The following SGF29 variants were observed in gnomAD, a reference collection of about 807,000 sequenced individuals.
The protein encoded by SGF29 is SAGA complex associated factor 29.
A neutral mutation model predicts 38.1 loss-of-function variants in SGF29; 15 were observed. The ratio of observed to expected loss-of-function variants is 0.39; its 90% CI spans 0.26 to 0.61. The LOEUF is 0.61. Among genes scored for constraint, SGF29 ranks in the 20% least tolerant of loss-of-function variants. The pLI, the probability that SGF29 is intolerant of heterozygous loss-of-function variation, is 0.49. For missense variants in SGF29, 184 were observed against 394.6 expected (o/e 0.47, Z 4.52); for synonymous variants, 151 against 160.8 (o/e 0.94, Z 0.46).
chr16:28,557,648 T>C (rs1309037356), intron 1 of SGF29, among the ~76,000 whole-genome samples: 1 of 152,142 alleles, frequency 6.6e-6, no homozygotes, highest in Non-Finnish European at 1.5e-5. Context: ...GGGGACATGC[T>C]CGTGGGACTG....
At chr16:28,568,919 GAA>G (rs200404862) in intron 1 of SGF29, among the ~76,000 whole-genome samples, 1 of 129,202 alleles carries the variant, frequency 7.7e-6, no homozygotes, top group African/African-American at 2.9e-5. Flanking sequence ...CTCAAAAAAA[GAA>G]AAAAAAAAAA....
chr16:28,589,968 G>A (rs2046977912), intron 5 of SGF29, 128 bp from the exon 6 acceptor site: 2 of 1,339,004 alleles, frequency 1.5e-6, no homozygotes, highest in South Asian at 1.5e-5. Flanking sequence ...TCACAGTCCT[G>A]CTGGGCCCTC....
At chr16:28,587,417 GC>G (rs2046961450) in intron 4 of SGF29, among the ~76,000 whole-genome samples, 1 of 152,192 alleles carries the variant, frequency 6.6e-6, no homozygotes, top group Admixed American at 6.5e-5. Flanking sequence ...GTTCCCTTTG[GC>G]CCCGTGGCTC....
intron 1 of SGF29, among the ~76,000 whole-genome samples, chr16:28,557,965 G>GTTTTTTTTTTTTTT (rs753237384): frequency 1.1e-4 from 7 of 65,618 alleles, no homozygotes; most frequent in Admixed American, 1.9e-4. Context: ...TTCTTTCTCT[G>GTTTTTTTTTTTTTT]TTTTTTTTTT....
chr16:28,587,921 T>C (rs540906360), intron 4 of SGF29, among the ~76,000 whole-genome samples: 1 of 152,220 alleles, frequency 6.6e-6, no homozygotes, highest in African/African-American at 2.4e-5. Context: ...TGCCTCAGCC[T>C]CCCAAGTAGC....
intron 1 of SGF29, among the ~76,000 whole-genome samples, chr16:28,575,209 G>A (rs976181900): frequency 6.6e-6 from 1 of 152,130 alleles, no homozygotes; most frequent in Non-Finnish European, 1.5e-5. Context: ...CTGTTCCTAG[G>A]TCTCTAAATG....
chr16:28,573,588 C>A (rs1487521548), intron 1 of SGF29, among the ~76,000 whole-genome samples: 1 of 152,160 alleles, frequency 6.6e-6, no homozygotes, highest in Non-Finnish European at 1.5e-5. Flanking sequence ...GATGAACTCT[C>A]CTCAATCATG....
chr16:28,589,736 A>T (rs1354112447), intron 5 of SGF29, among the ~76,000 whole-genome samples: 2 of 152,168 alleles, frequency 1.3e-5, no homozygotes, highest in Non-Finnish European at 2.9e-5. Context: ...ATGTATATTA[A>T]TAGAAGAAAA....
In SGF29 at chr16:28,590,264, G is replaced by T. The variant is rs1347269020; in HGVS notation, c.420-32G>T. 21 of 1,608,400 alleles carry T rather than the reference G, an allele frequency of 1.3e-5. No individual in the cohort carries two copies. The highest frequency in any genetic ancestry group is 1.8e-5 in the Non-Finnish European group (21 of 1,177,768). On this transcript the variant is annotated intron_variant, in intron 6 of 9. Transcript: ENST00000317058. The surrounding 1 kb of genome is among the most constrained non-coding windows in gnomAD (Gnocchi z 8.2). Reference sequence around the variant, plus strand: ...CTGCGAGGGAGGGGCTGGTGCCCAGGGGCTGGGACTGACCCTTTGTTCCAC... The same window carrying T: ...CTGCGAGGGAGGGGCTGGTGCCCAGTGGCTGGGACTGACCCTTTGTTCCAC...
chr16:28,587,221 G>A (rs2046960483), intron 4 of SGF29, among the ~76,000 whole-genome samples: 1 of 152,166 alleles, frequency 6.6e-6, no homozygotes, highest in African/African-American at 2.4e-5. Context: ...AAACACACTA[G>A]TTTTAGCATC....
intron 1 of SGF29, among the ~76,000 whole-genome samples, chr16:28,562,950 G>A (rs1263359964): frequency 6.7e-6 from 1 of 149,308 alleles, no homozygotes; most frequent in African/African-American, 2.4e-5. Flanking sequence ...CTACTTTTAA[G>A]GGGCTTGAAG....
intron 1 of SGF29, among the ~76,000 whole-genome samples, chr16:28,573,862 G>C (rs1336908670): frequency 6.6e-6 from 1 of 152,082 alleles, no homozygotes; most frequent in Non-Finnish European, 1.5e-5. Flanking sequence ...GAGGTTTGAA[G>C]TGTGCTAAGG....
chr16:28,572,935 A>AC (rs948995778), intron 1 of SGF29, among the ~76,000 whole-genome samples: 2 of 148,418 alleles, frequency 1.3e-5, no homozygotes, highest in African/African-American at 2.5e-5. Context: ...TCCATTCAGC[A>AC]CCCCCCATAC....
chr16:28,573,079 T>C (rs2151647443), intron 1 of SGF29, among the ~76,000 whole-genome samples: 1 of 152,318 alleles, frequency 6.6e-6, no homozygotes, highest in East Asian at 1.9e-4. Context: ...AGGTCCTCAG[T>C]GACTTCCTCA....
At chr16:28,578,875 G>A (rs530115912) in intron 1 of SGF29, among the ~76,000 whole-genome samples, 5 of 152,208 alleles carry the variant, frequency 3.3e-5, no homozygotes, top group East Asian at 1.9e-4. Flanking sequence ...CCAGGATGCC[G>A]AGGTTGCAGT....
At chr16:28,560,635 A>G (rs2046780995) in intron 1 of SGF29, among the ~76,000 whole-genome samples, 1 of 149,884 alleles carries the variant, frequency 6.7e-6, no homozygotes, top group Non-Finnish European at 1.5e-5. Context: ...TATTTTTACA[A>G]AACAGGAAAA....
At chr16:28,578,072 CTGGACCCCTGGCTGCAAG>C (rs994409824) in intron 1 of SGF29, among the ~76,000 whole-genome samples, 23 of 151,926 alleles carry the variant, frequency 1.5e-4, no homozygotes, top group African/African-American at 4.8e-4. Context: ...CTAGGCTCGT[CTGGACCCCTGGCTGCAAG>C]TGATCCTCCC....
chr16:28,569,155 C>G (rs887324270), intron 1 of SGF29, among the ~76,000 whole-genome samples: 1 of 151,956 alleles, frequency 6.6e-6, no homozygotes, highest in Non-Finnish European at 1.5e-5. Flanking sequence ...TTCTTATGTC[C>G]TAGTGTTTTG....
chr16:28,581,184 G>A (rs2046923682), intron 2 of SGF29, 40 bp downstream of exon 2: 1 of 1,584,702 alleles, frequency 6.3e-7, no homozygotes. Flanking sequence ...TGGGAACATG[G>A]GCTTTGATGC....
Sources: gnomAD v4.1 joint callset for allele counts (sites outside exome capture counted in the v4.1 genomes callset) on GRCh38, gnomAD v4.1.1 for gene constraint, Gnocchi (gnomAD v3.1) non-coding constraint, MANE v1.5 for transcripts, NCBI Gene and HGNC (gene_info 2026-07-23, HGNC 2026-07-21) for gene names.